Variants in SH3GL2 observed in about 807,000 individuals in gnomAD.
The protein encoded by SH3GL2 is SH3 domain containing GRB2 like 2, endophilin A1, also known as endophilin-A1.
Under a neutral mutation model 46.0 loss-of-function variants are expected in SH3GL2, and 24 were observed. The observed-to-expected ratio is 0.52, with a 90% CI of 0.38 to 0.73. The LOEUF is 0.73. SH3GL2 is among the 30% of genes least tolerant of loss of function. The pLI is 0.00. For synonymous variants in SH3GL2, 196 were observed against 147.1 expected (o/e 1.33, Z -2.40); for missense variants, 413 against 424.2 (o/e 0.97, Z 0.23).
At position 17,586,252 on chromosome 9, in the gene SH3GL2, G is replaced by A. The variant is rs145310167; in HGVS notation, c.45+6965G>A. ...CATCCCCTGGGTCAAATTGTATATA[G>A]TAGTAATGAATATGGAGAAGCTGTC... is the stretch of plus-strand genomic sequence containing the variant. On this transcript the variant is annotated intron_variant, in intron 1 of 8. Coordinates refer to ENST00000380607, the MANE Select transcript of SH3GL2 (RefSeq NM_003026.5). Among the ~76,000 whole-genome samples, 888 of 152,262 alleles carry A rather than the reference G, an allele frequency of 5.8e-3. 7 individuals carry two copies. The highest frequency in any genetic ancestry group is 8.6e-3 in the Non-Finnish European group (585 of 68,024).
chr9:17,785,295 ACT>A (rs1441501514), intron 3 of SH3GL2, among the ~76,000 whole-genome samples: 8 of 151,994 alleles, frequency 5.3e-5, no homozygotes, highest in African/African-American at 1.7e-4. Context: ...TTTAAAATAG[ACT>A]CTACCCTCAG....
At chr9:17,754,264 T>A (rs530092049) in intron 2 of SH3GL2, among the ~76,000 whole-genome samples, 1 of 152,326 alleles carries the variant, frequency 6.6e-6, no homozygotes, top group Non-Finnish European at 1.5e-5. Flanking sequence ...ATAAACTGCT[T>A]TGAGCAGTAT....
intron 1 of SH3GL2, among the ~76,000 whole-genome samples, chr9:17,605,901 T>C (rs1818751689): frequency 6.6e-6 from 1 of 152,102 alleles, no homozygotes; most frequent in Non-Finnish European, 1.5e-5. Context: ...TTCACCTGTA[T>C]GGGGCCCAGG....
intron 1 of SH3GL2, among the ~76,000 whole-genome samples, chr9:17,623,265 C>T (rs1819200254): frequency 6.6e-6 from 1 of 151,914 alleles, no homozygotes; most frequent in Non-Finnish European, 1.5e-5. Context: ...CTGAATGTTG[C>T]CAGGTGTAGA....
chr9:17,672,656 G>C (rs985790319), intron 1 of SH3GL2, among the ~76,000 whole-genome samples: 5 of 152,100 alleles, frequency 3.3e-5, no homozygotes, highest in Admixed American at 2.6e-4. Flanking sequence ...ACCCAATACA[G>C]AGGACCTAAG....
chr9:17,623,039 TCCTTCC>T (rs796258446), intron 1 of SH3GL2, among the ~76,000 whole-genome samples: 1,125 of 83,670 alleles, frequency 0.013, 26 homozygotes, highest in African/African-American at 0.037. Context: ...TCCTTTCCTT[TCCTTCC>T]CCTTCCCCTT....
At chr9:17,615,739 A>T (rs1430385925) in intron 1 of SH3GL2, among the ~76,000 whole-genome samples, 1 of 152,014 alleles carries the variant, frequency 6.6e-6, no homozygotes, top group Non-Finnish European at 1.5e-5. Flanking sequence ...AGTTAAAAAA[A>T]AAAACCCACA....
At chr9:17,726,912 A>G (rs901376579) in intron 1 of SH3GL2, among the ~76,000 whole-genome samples, 1 of 152,202 alleles carries the variant, frequency 6.6e-6, no homozygotes, top group Non-Finnish European at 1.5e-5. Flanking sequence ...AATAGGTTGA[A>G]TATTATATAG....
At chr9:17,604,810 G>C (rs1293060750) in intron 1 of SH3GL2, among the ~76,000 whole-genome samples, 4 of 152,154 alleles carry the variant, frequency 2.6e-5, no homozygotes, top group African/African-American at 4.8e-5. Context: ...CTGACCTTGG[G>C]TTAGGGTGGA....
At chr9:17,580,160 C>T (rs1353079848) in intron 1 of SH3GL2, among the ~76,000 whole-genome samples, 1 of 152,186 alleles carries the variant, frequency 6.6e-6, no homozygotes, top group African/African-American at 2.4e-5. Context: ...TGACCTATTT[C>T]TTACATAATG....
At chr9:17,647,698 A>G (rs982617751) in intron 1 of SH3GL2, among the ~76,000 whole-genome samples, 1 of 152,224 alleles carries the variant, frequency 6.6e-6, no homozygotes, top group African/African-American at 2.4e-5. Context: ...AGGAGGGATT[A>G]TAAAGATTAA....
intron 1 of SH3GL2, among the ~76,000 whole-genome samples, chr9:17,644,164 G>A (rs1408853183): frequency 1.3e-5 from 2 of 152,190 alleles, no homozygotes; most frequent in Middle Eastern, 3.4e-3. Flanking sequence ...ATATTTCTGT[G>A]GGGTCAGTGG....
intron 1 of SH3GL2, among the ~76,000 whole-genome samples, chr9:17,603,608 C>T (rs1343279005): frequency 6.6e-6 from 1 of 152,030 alleles, no homozygotes; most frequent in East Asian, 1.9e-4. Context: ...CTCCTGTAAT[C>T]CCAGCACTTT....
chr9:17,626,566 A>G (rs1184810237), intron 1 of SH3GL2, among the ~76,000 whole-genome samples: 4 of 152,212 alleles, frequency 2.6e-5, no homozygotes, highest in Admixed American at 6.5e-5. Context: ...ATGGCAGTCT[A>G]GTGCAGTTAC....
intron 1 of SH3GL2, among the ~76,000 whole-genome samples, chr9:17,690,043 C>A (rs777325055): frequency 6.6e-6 from 1 of 152,010 alleles, no homozygotes; most frequent in Non-Finnish European, 1.5e-5. Context: ...AATGCTTAAC[C>A]GCACATTCTG....
chr9:17,760,386 G>A (rs369914678), intron 2 of SH3GL2, among the ~76,000 whole-genome samples: 5 of 152,146 alleles, frequency 3.3e-5, no homozygotes, highest in African/African-American at 1.2e-4. Context: ...TATGGAAAAG[G>A]AGGAGGCTTA....
At chr9:17,713,223 C>T (rs1428324977) in intron 1 of SH3GL2, among the ~76,000 whole-genome samples, 2 of 151,238 alleles carry the variant, frequency 1.3e-5, no homozygotes, top group Non-Finnish European at 3.0e-5. Flanking sequence ...TCCACTTATC[C>T]CTCTAAAATT....
At chr9:17,693,274 G>A (rs557897360) in intron 1 of SH3GL2, among the ~76,000 whole-genome samples, 1 of 152,192 alleles carries the variant, frequency 6.6e-6, no homozygotes, top group African/African-American at 2.4e-5. Context: ...TTTGGTTGCT[G>A]GTGATTTTTT....
intron 1 of SH3GL2, among the ~76,000 whole-genome samples, chr9:17,676,736 C>G (rs768002857): frequency 9.2e-5 from 14 of 152,116 alleles, no homozygotes; most frequent in Non-Finnish European, 1.5e-4. Flanking sequence ...CAGTTTTGCC[C>G]TCTTAAAACA....
Sources: allele counts gnomAD v4.1 joint callset (sites outside exome capture counted in the v4.1 genomes callset), GRCh38; gene constraint gnomAD v4.1.1; transcripts MANE v1.5; gene names NCBI Gene and HGNC (gene_info 2026-07-23, HGNC 2026-07-21).